The following YAF2 variants were observed in gnomAD, a reference collection of about 807,000 sequenced individuals.
YAF2 encodes YY1 associated factor 2.
YAF2 carries 7 observed loss-of-function variants against 20.1 expected under a neutral mutation model. That is an observed-to-expected ratio of 0.35 (90% CI 0.20 to 0.65). The LOEUF (loss-of-function observed/expected upper bound fraction) is 0.65. YAF2 is among the 30% of genes least tolerant of loss of function. The pLI is 0.69. For missense variants in YAF2, 151 were observed against 219.2 expected (o/e 0.69, Z 1.96); for synonymous variants, 74 against 76.0 (o/e 0.97, Z 0.14).
At chr12:42,222,613 A>G (rs1461587610) in intron 2 of YAF2, among the ~76,000 whole-genome samples, 2 of 152,210 alleles carry the variant, frequency 1.3e-5, no homozygotes, top group Admixed American at 6.5e-5. Context: ...TATATATTCA[A>G]TACTTGAAAA....
chr12:42,233,320 T>C (rs865818974), intron 2 of YAF2: 69 of 985,262 alleles, frequency 7.0e-5, no homozygotes, highest in Admixed American at 1.8e-4. Context: ...AGACCACAGT[T>C]TGAAACCCAA....
At chr12:42,215,596 A>G (rs2067329547) in intron 2 of YAF2, among the ~76,000 whole-genome samples, 1 of 152,082 alleles carries the variant, frequency 6.6e-6, no homozygotes, top group South Asian at 2.1e-4. Flanking sequence ...TTCCCTCACA[A>G]TTAACCATGC....
intron 2 of YAF2, among the ~76,000 whole-genome samples, chr12:42,192,708 G>C (rs1037715807): frequency 1.3e-5 from 2 of 152,212 alleles, no homozygotes; most frequent in Admixed American, 6.5e-5. Flanking sequence ...AAATGGTAGA[G>C]ATAGAAGTGA....
intron 2 of YAF2, among the ~76,000 whole-genome samples, chr12:42,190,908 T>G (rs574730719): frequency 6.6e-6 from 1 of 151,746 alleles, no homozygotes; most frequent in South Asian, 2.1e-4. Context: ...ACTTTTTAGT[T>G]TTTTTTTCAG....
chr12:42,168,584 T>C (rs1473436509), intron 2 of YAF2, among the ~76,000 whole-genome samples: 1 of 152,122 alleles, frequency 6.6e-6, no homozygotes, highest in Non-Finnish European at 1.5e-5. Flanking sequence ...TTATCTTACA[T>C]TGCACAAAAT....
chr12:42,204,605 A>G (rs934626229), intron 2 of YAF2, among the ~76,000 whole-genome samples: 1 of 152,218 alleles, frequency 6.6e-6, no homozygotes. Context: ...CAAACAACAC[A>G]GGACTATAAT....
At chr12:42,197,126 C>T (rs185109250) in intron 2 of YAF2, among the ~76,000 whole-genome samples, 13 of 152,282 alleles carry the variant, frequency 8.5e-5, no homozygotes, top group Admixed American at 1.3e-4. Flanking sequence ...CAAACTAGAG[C>T]GCAGAAAATA....
chr12:42,205,450 A>C (rs1437606779), intron 2 of YAF2, among the ~76,000 whole-genome samples: 1 of 150,106 alleles, frequency 6.7e-6, no homozygotes, highest in African/African-American at 2.5e-5. Flanking sequence ...ATCTCAGCTC[A>C]CTGCAACCTC....
Position 42,218,185 on chromosome 12 carries a change from AACACACACACACACACACACACAC to A in YAF2, c.152+19390_152+19413del, listed in dbSNP as rs71883885. Among the ~76,000 whole-genome samples, 3 of 140,608 alleles carry A rather than the reference AACACACACACACACACACACACAC, an allele frequency of 2.1e-5. No homozygotes were observed. The Admixed American group carries it at 2.2e-4, about 10-fold the overall frequency. The allele number at this position is 140,608 out of a possible 152,430, so 92.2% of individuals were successfully genotyped here. A position where few individuals can be genotyped will look rare whatever the true frequency, so the allele number is the denominator to read the frequency against. On this transcript the variant is annotated intron_variant, in intron 2 of 3. Coordinates refer to ENST00000534854, the MANE Select transcript of YAF2 (RefSeq NM_005748.6). The stretch of plus-strand genomic sequence containing the variant: ...GACAGTCTACATCAGGCTACTAGGA[AACACACACACACACACACACACAC>A]ACACACACACACACACACAGATGAT...
chr12:42,233,724 G>A (rs920919511), intron 2 of YAF2: 4 of 929,008 alleles, frequency 4.3e-6, no homozygotes, highest in African/African-American at 3.6e-5. Context: ...TGTTGCCCAG[G>A]TTGGTCTCAA....
At chr12:42,237,484 G>A in intron 2 of YAF2, 115 bp downstream of exon 2, 1 of 1,359,130 alleles carries the variant, frequency 7.4e-7, no homozygotes, top group Non-Finnish European at 9.5e-7. Context: ...AGCCACCTCC[G>A]TCTGCCTCCT....
At chr12:42,234,917 G>A in intron 2 of YAF2, 2 of 868,816 alleles carry the variant, frequency 2.3e-6, no homozygotes, top group Non-Finnish European at 2.8e-6. Flanking sequence ...GAACCTGGGA[G>A]TTCGAGGCTG....
chr12:42,175,691 G>A (rs1315343290), intron 2 of YAF2, among the ~76,000 whole-genome samples: 2 of 116,742 alleles, frequency 1.7e-5, no homozygotes, highest in South Asian at 3.0e-4. Context: ...CCTGGCCAAC[G>A]AGATCGCACC....
At chr12:42,186,617 C>T (rs1409510126) in intron 2 of YAF2, among the ~76,000 whole-genome samples, 1 of 151,382 alleles carries the variant, frequency 6.6e-6, no homozygotes, top group Non-Finnish European at 1.5e-5. Flanking sequence ...GTGGAGGTTG[C>T]GGTGAGCTGA....
intron 2 of YAF2, among the ~76,000 whole-genome samples, chr12:42,227,989 G>A (rs1428875823): frequency 4.0e-4 from 53 of 133,786 alleles, no homozygotes; most frequent in Admixed American, 1.5e-3. Flanking sequence ...TCAGCCCCCC[G>A]CCTGGCCAGC....
Position 42,237,613 on chromosome 12 carries a change from C to A in YAF2, c.138G>T (p.Lys46Asn). ...CCGGGACTCACCGGGTGGAGGTGCC[C>A]TTCCGCACATCGCACATCATGCACT... ...AFKCMMCDVR[K>N]GTSTRKPRPV... is the part of the protein sequence containing the mutation. The change falls in exon 2 of 4, where the codon AAG becomes AAT. Residue 46 changes from lysine to asparagine, a missense_variant. Lys to Asn is a moderately conservative substitution (Grantham distance 94). Coordinates refer to ENST00000534854, the MANE Select transcript of YAF2 (RefSeq NM_005748.6). 6.5e-7 allele frequency: 1 copy of A among 1,542,266 alleles called. No homozygotes were observed. Among genetic ancestry groups the A allele is most frequent in the African/African-American group, 1.4e-5 (1 of 71,972 alleles).
At chr12:42,216,754 A>G (rs570369084) in intron 2 of YAF2, among the ~76,000 whole-genome samples, 42 of 152,260 alleles carry the variant, frequency 2.8e-4, no homozygotes, top group African/African-American at 9.9e-4. Flanking sequence ...TTCCCTCTCA[A>G]ATTTTCCCCA....
intron 2 of YAF2, among the ~76,000 whole-genome samples, chr12:42,230,642 G>C (rs749526358): frequency 2.0e-5 from 3 of 152,194 alleles, no homozygotes; most frequent in Admixed American, 1.3e-4. Flanking sequence ...AAAAAGGATA[G>C]ATTTAAGAGA....
At position 42,205,619 on chromosome 12, in the gene YAF2, C is replaced by T. The variant is rs200458651; in HGVS notation, c.152+31980G>A. ...TGAACTCCTGACCTCATGATCCACC[C>T]GCCTCGGCCTCCCAAAGTGCTGGGA... On this transcript the variant is annotated intron_variant, in intron 2 of 3. Coordinates refer to ENST00000534854, the MANE Select transcript of YAF2 (RefSeq NM_005748.6). 7.9e-5 allele frequency among the ~76,000 whole-genome samples: 12 copies of T among 152,270 alleles called. No homozygotes were observed. In the East Asian group the frequency reaches 1.5e-3, roughly 20 times the overall value.
Sources: gnomAD v4.1 joint callset for allele counts (sites outside exome capture counted in the v4.1 genomes callset) on GRCh38, gnomAD v4.1.1 for gene constraint, MANE v1.5 for transcripts, NCBI Gene and HGNC (gene_info 2026-07-23, HGNC 2026-07-21) for gene names.